The following TWIST2 variants were observed in gnomAD, a reference collection of about 807,000 sequenced individuals.
TWIST2 encodes twist-related protein 2.
A neutral mutation model predicts 11.6 loss-of-function variants in TWIST2; 1 was observed. That is an observed-to-expected ratio of 0.09 (90% CI 0.03 to 0.41). TWIST2 has a LOEUF of 0.41. TWIST2 is among the 10% of genes least tolerant of loss of function. The probability of loss-of-function intolerance (pLI) is 0.98; values close to 1 mark genes in which losing one functional copy is unlikely to be tolerated. For missense variants in TWIST2, 168 were observed against 226.4 expected (o/e 0.74, Z 1.66); for synonymous variants, 87 against 96.6 (o/e 0.90, Z 0.58).
chr2:238,888,406 A>G (rs180852514), intron 1 of TWIST2, among the ~76,000 whole-genome samples: 231 of 152,336 alleles, frequency 1.5e-3, no homozygotes, highest in African/African-American at 5.1e-3. Context: ...GAACATCTGC[A>G]TCACATCTAT....
chr2:238,902,941 T>TG (rs1477043169), intron 1 of TWIST2, among the ~76,000 whole-genome samples: 6 of 9,864 alleles, frequency 6.1e-4, no homozygotes, highest in African/African-American at 5.6e-4. Flanking sequence ...GATGTGGGTG[T>TG]TGTGATGTGT....
intron 1 of TWIST2, among the ~76,000 whole-genome samples, chr2:238,859,579 A>G (rs897224242): frequency 8.6e-5 from 13 of 151,964 alleles, no homozygotes; most frequent in Non-Finnish European, 1.2e-4. Flanking sequence ...TCACCAAAAA[A>G]AAAAAAAATC....
chr2:238,884,172 T>A (rs1252840337), intron 1 of TWIST2, among the ~76,000 whole-genome samples: 1 of 152,138 alleles, frequency 6.6e-6, no homozygotes, highest in Non-Finnish European at 1.5e-5. Context: ...TACAAGCCAG[T>A]TCTTTAAGAT....
chr2:238,901,919 G>A (rs1693272728), intron 1 of TWIST2, among the ~76,000 whole-genome samples: 1 of 152,158 alleles, frequency 6.6e-6, no homozygotes, highest in Admixed American at 6.5e-5. Flanking sequence ...GTGGGGGAGG[G>A]AGAGGAGGTG....
At chr2:238,887,729 C>CA (rs1693067017) in intron 1 of TWIST2, among the ~76,000 whole-genome samples, 1 of 152,170 alleles carries the variant, frequency 6.6e-6, no homozygotes, top group Non-Finnish European at 1.5e-5. Context: ...TCTGCTGCCC[C>CA]AAGTGCCTGA....
Position 238,910,252 on chromosome 2 carries a change from G to C in TWIST2, c.*446G>C, listed in dbSNP as rs1693429955. ...CAGAAATGCATTCTTGTACAATTCTGTTGAAACTGGACCAAGGCTCTCAGA... is the reference window on the plus strand; with the variant it reads ...CAGAAATGCATTCTTGTACAATTCTCTTGAAACTGGACCAAGGCTCTCAGA... On this transcript the variant is annotated 3_prime_UTR_variant, in exon 2 of 2. Transcript: ENST00000612363. The C allele has an allele frequency of 1.3e-5, 2 of 151,904 alleles. No homozygotes were observed. The highest frequency in any genetic ancestry group is 2.9e-5 in the Non-Finnish European group (2 of 67,988). 9.4% of individuals were successfully genotyped at this position (151,904 alleles called of 1,614,324 possible). A position where few individuals can be genotyped will look rare whatever the true frequency, so the allele number is the denominator to read the frequency against.
chr2:238,854,340 C>T (rs1008321681), intron 1 of TWIST2, among the ~76,000 whole-genome samples: 7 of 152,192 alleles, frequency 4.6e-5, no homozygotes, highest in Admixed American at 4.6e-4. Flanking sequence ...ATTTGACAGA[C>T]GGTTCACCTC....
At chr2:238,897,122 G>A (rs1283044616) in intron 1 of TWIST2, among the ~76,000 whole-genome samples, 6 of 152,052 alleles carry the variant, frequency 3.9e-5, no homozygotes, top group Non-Finnish European at 5.9e-5. Context: ...CCTCACCATC[G>A]TCCCACAGAA....
Position 238,848,441 on chromosome 2 carries a change from C to A in TWIST2, c.226C>A (p.Arg76Ser). The A allele has an allele frequency of 1.3e-6, 2 of 1,548,978 alleles. No individual in the cohort carries two copies. ...GCGCATCCTGGCCAACGTGCGCGAGCGCCAGCGCACCCAGTCGCTCAACGA... is the reference window on the plus strand; with the variant it reads ...GCGCATCCTGGCCAACGTGCGCGAGAGCCAGCGCACCCAGTCGCTCAACGA... ...SQRILANVRE[R>S]QRTQSLNEAF... The change falls in exon 1 of 2, where the codon CGC becomes AGC. Residue 76 changes from arginine (R) to serine (S), a missense_variant. Physicochemically the swap from Arg to Ser is moderately radical, Grantham distance 110 (BLOSUM62 -1). This residue lies in a region of TWIST2 where 23 missense variants were observed against 58.5 expected (regional missense o/e 0.39). Transcript: ENST00000612363.
rs751874652 is a variant in TWIST2, at chr2:238,867,411, A to ACACACT, written c.*35+18679_*35+18680insACACTC. On this transcript the variant is annotated intron_variant, in intron 1 of 1. Transcript: ENST00000612363. This position sits in a 1 kb window ranked among gnomAD's most constrained non-coding sequence, Gnocchi z 4.8. The stretch of plus-strand genomic sequence containing the variant: ...CACACACACACACACACACACACAC[A>ACACACT]CTCCTCAGTAAAATACCCAGTTCTC... Among the ~76,000 whole-genome samples, 14 of 144,892 alleles carry ACACACT rather than the reference A, an allele frequency of 9.7e-5. No individual in the cohort carries two copies. Among genetic ancestry groups the ACACACT allele is most frequent in the South Asian group, 6.6e-4 (3 of 4,524 alleles).
At chr2:238,856,467 T>A (rs1045868590) in intron 1 of TWIST2, among the ~76,000 whole-genome samples, 1 of 152,180 alleles carries the variant, frequency 6.6e-6, no homozygotes, top group Admixed American at 6.5e-5. Flanking sequence ...ACAATGTAAT[T>A]TCCATGTGCG....
rs1692501370 is a variant in TWIST2, at chr2:238,864,697, G to C, written c.*35+15964G>C. On this transcript the variant is annotated intron_variant, in intron 1 of 1. Transcript: ENST00000612363. The surrounding 1 kb of genome is among the most constrained non-coding windows in gnomAD (Gnocchi z 4.7). ...AGGGTGCGGGGCCGTGGCTTGCTCTGTGGGGACACTGCCCTGGGGTCCACC... is the reference window on the plus strand; with the variant it reads ...AGGGTGCGGGGCCGTGGCTTGCTCTCTGGGGACACTGCCCTGGGGTCCACC... 2.0e-5 allele frequency among the ~76,000 whole-genome samples: 3 copies of C among 152,188 alleles called. No individual in the cohort carries two copies. The highest frequency in any genetic ancestry group is 4.4e-5 in the Non-Finnish European group (3 of 68,008).
At chr2:238,885,533 C>T (rs991753832) in intron 1 of TWIST2, among the ~76,000 whole-genome samples, 3 of 152,114 alleles carry the variant, frequency 2.0e-5, no homozygotes, top group African/African-American at 7.2e-5. Flanking sequence ...GACACTGCAC[C>T]GTACCAGTGT....
At chr2:238,905,719 AC>A (rs1224187462) in intron 1 of TWIST2, among the ~76,000 whole-genome samples, 5 of 150,724 alleles carry the variant, frequency 3.3e-5, no homozygotes, top group Non-Finnish European at 5.9e-5. Context: ...TTCTCTACCC[AC>A]CCCCCCTTAT....
Position 238,894,261 on chromosome 2 carries a change from T to A in TWIST2, c.*36-15581T>A, listed in dbSNP as rs1320235511. ...GAGTGAACTGCCCTTCAGGGTGTCC[T>A]GAGGACTCCAGCAGCTCCACGTGGC... On this transcript the variant is annotated intron_variant, in intron 1 of 1. Transcript: ENST00000612363. Among the ~76,000 whole-genome samples the A allele has an allele frequency of 2.6e-5, 4 of 152,198 alleles. No individual in the cohort carries two copies. The South Asian group carries it at 6.2e-4, about 24-fold the overall frequency.
intron 1 of TWIST2, among the ~76,000 whole-genome samples, chr2:238,894,184 C>A (rs1173948653): frequency 6.6e-6 from 1 of 152,216 alleles, no homozygotes; most frequent in Non-Finnish European, 1.5e-5. Context: ...TCTGGAGAAT[C>A]TGCCTCTGAA....
Position 238,866,674 on chromosome 2 carries a change from G to T in TWIST2, c.*35+17941G>T, listed in dbSNP as rs1052986561. 2.0e-5 allele frequency among the ~76,000 whole-genome samples: 3 copies of T among 151,954 alleles called. No homozygotes were observed. Among genetic ancestry groups the T allele is most frequent in the African/African-American group, 7.2e-5 (3 of 41,394 alleles). On this transcript the variant is annotated intron_variant, in intron 1 of 1. Coordinates refer to ENST00000612363, the MANE Select transcript of TWIST2 (RefSeq NM_001271893.4). This position sits in a 1 kb window ranked among gnomAD's most constrained non-coding sequence, Gnocchi z 4.9. ...TCCACCATGGAAAAAAAAAAGAAAA[G>T]CACGGCGCCTTCATGTTCCATGCCT... is the stretch of plus-strand genomic sequence containing the variant.
At chr2:238,902,808 G>A (rs1693289689) in intron 1 of TWIST2, among the ~76,000 whole-genome samples, 1 of 146,076 alleles carries the variant, frequency 6.8e-6, no homozygotes, top group South Asian at 2.3e-4. Flanking sequence ...TGTGTGAGGT[G>A]TGTGTGATGT....
At chr2:238,906,019 C>T (rs986220646) in intron 1 of TWIST2, among the ~76,000 whole-genome samples, 6 of 152,126 alleles carry the variant, frequency 3.9e-5, no homozygotes, top group Admixed American at 3.3e-4. Context: ...GTGTGGTTTT[C>T]ATACGCATGG....
Sources: gnomAD v4.1 joint callset for allele counts (sites outside exome capture counted in the v4.1 genomes callset) on GRCh38, gnomAD v4.1.1 for gene constraint, gnomAD v4.1.1 regional missense constraint, Gnocchi (gnomAD v3.1) non-coding constraint, MANE v1.5 for transcripts, NCBI Gene and HGNC (gene_info 2026-07-23, HGNC 2026-07-21) for gene names.